TMEM163: variants seen among roughly 807,000 people sequenced by gnomAD.
The protein encoded by TMEM163 is transmembrane protein 163.
Under a neutral mutation model 29.3 loss-of-function variants are expected in TMEM163, and 17 were observed. That is an observed-to-expected ratio of 0.58 (90% CI 0.40 to 0.87). The LOEUF (loss-of-function observed/expected upper bound fraction) is 0.87. TMEM163 is among the 40% of genes least tolerant of loss of function. The probability of loss-of-function intolerance (pLI) is 0.00; values close to 1 mark genes in which losing one functional copy is unlikely to be tolerated. For synonymous variants in TMEM163, 157 were observed against 160.6 expected, an observed-to-expected ratio of 0.98 and a Z score of 0.17; for missense variants, 303 against 381.5, an observed-to-expected ratio of 0.79 and a Z score of 1.71.
intron 2 of TMEM163, among the ~76,000 whole-genome samples, chr2:134,573,643 G>C (rs2104787239): frequency 6.6e-6 from 1 of 152,362 alleles, no homozygotes; most frequent in East Asian, 1.9e-4. Flanking sequence ...GGAGACAGAT[G>C]TGATGCCGAG....
intron 5 of TMEM163, among the ~76,000 whole-genome samples, chr2:134,475,525 CT>C (rs763279473): frequency 2.0e-5 from 3 of 151,802 alleles, no homozygotes; most frequent in Non-Finnish European, 4.4e-5. Flanking sequence ...ACTTTTGCTC[CT>C]TGAAAGACTA....
At chr2:134,623,361 C>T (rs370414458) in intron 2 of TMEM163, among the ~76,000 whole-genome samples, 172 of 152,250 alleles carry the variant, frequency 1.1e-3, no homozygotes, top group African/African-American at 3.8e-3. Flanking sequence ...TCCATTTATA[C>T]TTTTTCGAGC....
At chr2:134,545,743 T>C (rs1680765468) in intron 4 of TMEM163, among the ~76,000 whole-genome samples, 1 of 152,200 alleles carries the variant, frequency 6.6e-6, no homozygotes, top group Non-Finnish European at 1.5e-5. Flanking sequence ...CCACTCACTC[T>C]ACCCTAAATC....
At chr2:134,533,316 C>A (rs1476132936) in intron 4 of TMEM163, among the ~76,000 whole-genome samples, 4 of 152,184 alleles carry the variant, frequency 2.6e-5, no homozygotes, top group Non-Finnish European at 5.9e-5. Flanking sequence ...ACAATATGAA[C>A]AGAAAGATCC....
At chr2:134,700,933 A>ATAAATAC (rs1558996871) in intron 2 of TMEM163, among the ~76,000 whole-genome samples, 15 of 82,728 alleles carry the variant, frequency 1.8e-4, no homozygotes, top group African/African-American at 1.1e-3. Flanking sequence ...TAAATAAATA[A>ATAAATAC]ATAAATAAAT....
chr2:134,553,112 G>A (rs1365163874), intron 2 of TMEM163, among the ~76,000 whole-genome samples: 1 of 152,150 alleles, frequency 6.6e-6, no homozygotes, highest in Admixed American at 6.5e-5. Flanking sequence ...AAGCATACAT[G>A]CACCTCCAAC....
intron 5 of TMEM163, among the ~76,000 whole-genome samples, chr2:134,471,324 G>A (rs1686795796): frequency 1.3e-5 from 2 of 152,282 alleles, no homozygotes; most frequent in East Asian, 3.9e-4. Context: ...GTCATAGGGG[G>A]ACCTCATAAT....
At chr2:134,514,384 T>C (rs1204920947) in intron 4 of TMEM163, among the ~76,000 whole-genome samples, 1 of 44,054 alleles carries the variant, frequency 2.3e-5, no homozygotes, top group Non-Finnish European at 4.0e-5. Context: ...ACTGATGATC[T>C]TTTTTTTTTT....
At chr2:134,630,472 GT>G (rs1160477372) in intron 2 of TMEM163, among the ~76,000 whole-genome samples, 2 of 152,064 alleles carry the variant, frequency 1.3e-5, no homozygotes, top group Non-Finnish European at 2.9e-5. Flanking sequence ...ATGCAGCGCT[GT>G]GCAGAGAATA....
At position 134,456,651 on chromosome 2, in the gene TMEM163, A is replaced by G; in HGVS notation, c.*65T>C. 1 of 1,571,254 alleles carries G rather than the reference A, an allele frequency of 6.4e-7. No homozygotes were observed. Among genetic ancestry groups the G allele is most frequent in the Non-Finnish European group, 8.7e-7 (1 of 1,145,140 alleles). On this transcript the variant is annotated 3_prime_UTR_variant, in exon 8 of 8. Transcript: ENST00000281924. Reference sequence around the variant, plus strand: ...AAAGAAACCAGATGTTCAGTTAAATATTGGCACCCTTTGCCTATGTGGAAA... The same window carrying G: ...AAAGAAACCAGATGTTCAGTTAAATGTTGGCACCCTTTGCCTATGTGGAAA...
At chr2:134,700,909 CATAAATAAATAAATAAATAA>C (rs746341374) in intron 2 of TMEM163, among the ~76,000 whole-genome samples, 1 of 58,706 alleles carries the variant, frequency 1.7e-5, no homozygotes, top group African/African-American at 1.6e-4. Flanking sequence ...CTCGAAAATA[CATAAATAAATAAATAAATAA>C]ATAAATAAAT....
intron 2 of TMEM163, among the ~76,000 whole-genome samples, chr2:134,681,156 C>T (rs1684222793): frequency 6.6e-6 from 1 of 152,146 alleles, no homozygotes. Flanking sequence ...TCATAGAAGC[C>T]TCTCCTTTCT....
chr2:134,508,361 G>A (rs1260207244), intron 4 of TMEM163, among the ~76,000 whole-genome samples: 3 of 152,228 alleles, frequency 2.0e-5, no homozygotes, highest in African/African-American at 7.2e-5. Flanking sequence ...CAAAGCATTT[G>A]TAATCTGAGA....
In TMEM163 at chr2:134,525,750, C is replaced by CA. The variant is rs1374835742; in HGVS notation, c.459-22754dup. Among the ~76,000 whole-genome samples, 70 of 152,206 alleles carry CA rather than the reference C, an allele frequency of 4.6e-4. 1 individual carries two copies. The highest frequency in any genetic ancestry group is 9.7e-4 in the Non-Finnish European group (66 of 68,040). ...CTAACACTCCCAAGACCAAGGTGGG[C>CA]ATTCCCTTCAGACAGCCTCAGAAGC... On this transcript the variant is annotated intron_variant, in intron 4 of 7. Transcript: ENST00000281924.
At position 134,560,782 on chromosome 2, in the gene TMEM163, C is replaced by T. The variant is rs1681152084; in HGVS notation, c.323-8691G>A. 2.6e-5 allele frequency among the ~76,000 whole-genome samples: 4 copies of T among 152,214 alleles called. No individual in the cohort carries two copies. In the South Asian group the frequency reaches 8.3e-4, roughly 32 times the overall value. ...GTTCCTGCTACCACACACCACCAGA[C>T]TAGCTCTGTTTCAGTTTGCGTAACA... On this transcript the variant is annotated intron_variant, in intron 2 of 7. Coordinates refer to ENST00000281924, the MANE Select transcript of TMEM163 (RefSeq NM_030923.5).
chr2:134,671,431 C>T lies in TMEM163; in HGVS notation c.322+41769G>A, dbSNP rs78433506. On this transcript the variant is annotated intron_variant, in intron 2 of 7. Coordinates refer to ENST00000281924, the MANE Select transcript of TMEM163 (RefSeq NM_030923.5). ...GACCATGGCGCTGCCCTCCCTCTCC[C>T]ATGTCTGGCCACTCTGTCTCCAGCC... Among the ~76,000 whole-genome samples, 433 of 152,276 alleles carry T rather than the reference C, an allele frequency of 2.8e-3. 3 individuals carry two copies. The highest frequency in any genetic ancestry group is 9.7e-3 in the African/African-American group (405 of 41,546).
At chr2:134,501,063 CT>C (rs1396066718) in intron 5 of TMEM163, among the ~76,000 whole-genome samples, 1 of 152,154 alleles carries the variant, frequency 6.6e-6, no homozygotes, top group Non-Finnish European at 1.5e-5. Context: ...TTACCCTAAT[CT>C]GGTCACTATA....
chr2:134,570,033 G>A (rs1243381849), intron 2 of TMEM163, among the ~76,000 whole-genome samples: 1 of 152,072 alleles, frequency 6.6e-6, no homozygotes. Flanking sequence ...TTGTGTTCAA[G>A]GAATCCTTAA....
At chr2:134,595,637 T>G (rs1323936849) in intron 2 of TMEM163, among the ~76,000 whole-genome samples, 8 of 152,186 alleles carry the variant, frequency 5.3e-5, no homozygotes, top group Non-Finnish European at 8.8e-5. Flanking sequence ...ACCCAGTAAT[T>G]CGATGGCCGG....
Sources: gnomAD v4.1 joint callset for allele counts (sites outside exome capture counted in the v4.1 genomes callset) on GRCh38, gnomAD v4.1.1 for gene constraint, MANE v1.5 for transcripts, NCBI Gene and HGNC (gene_info 2026-07-23, HGNC 2026-07-21) for gene names.